The following GON4L variants were observed in gnomAD, a reference collection of about 807,000 sequenced individuals.
GON4L encodes gon-4 like, also known as GON-4-like protein.
GON4L carries 87 observed loss-of-function variants against 211.8 expected under a neutral mutation model. The ratio of observed to expected loss-of-function variants is 0.41; its 90% CI spans 0.35 to 0.49. The LOEUF (loss-of-function observed/expected upper bound fraction) is 0.49. Among genes scored for constraint, GON4L ranks in the 20% least tolerant of loss-of-function variants. The probability of loss-of-function intolerance (pLI) is 0.15; values close to 1 mark genes in which losing one functional copy is unlikely to be tolerated. For missense variants in GON4L, 2,155 were observed against 2,659.5 expected (o/e 0.81, Z 4.17); for synonymous variants, 875 against 962.6 (o/e 0.91, Z 1.68).
chr1:155,766,757 A>G (rs1479473987), intron 20 of GON4L, 48 bp from the exon 21 acceptor site: 2 of 1,610,818 alleles, frequency 1.2e-6, no homozygotes, highest in Non-Finnish European at 1.7e-6. Flanking sequence ...AGAATTTGGG[A>G]AAAAGAGGCT....
intron 6 of GON4L, 35 bp downstream of exon 6, chr1:155,820,569 TAA>T: frequency 7.0e-7 from 1 of 1,424,918 alleles, no homozygotes; most frequent in South Asian, 1.1e-5. Flanking sequence ...TTCACCAAGC[TAA>T]AAAAAAACCA....
intron 10 of GON4L, among the ~76,000 whole-genome samples, chr1:155,811,135 G>A (rs901653262): frequency 3.3e-5 from 5 of 152,106 alleles, no homozygotes; most frequent in Middle Eastern, 3.4e-3. Flanking sequence ...GTTCACGCCC[G>A]TAATCCCAGC....
intron 3 of GON4L, among the ~76,000 whole-genome samples, chr1:155,823,260 T>C (rs1020586016): frequency 1.6e-4 from 25 of 152,234 alleles, no homozygotes; most frequent in African/African-American, 5.3e-4. Context: ...ACTCATCAGA[T>C]ACATTTTATT....
At chr1:155,843,559 C>T (rs776752893) in intron 2 of GON4L, among the ~76,000 whole-genome samples, 1 of 152,156 alleles carries the variant, frequency 6.6e-6, no homozygotes, top group Non-Finnish European at 1.5e-5. Flanking sequence ...ATCTTTTGCA[C>T]AAATTGTTGT....
At position 155,750,283 on chromosome 1, in the gene GON4L, A is replaced by C. The variant is rs1660439210; in HGVS notation, c.*301T>G. On this transcript the variant is annotated 3_prime_UTR_variant, in exon 32 of 32. Transcript: ENST00000368331. ...TTACATTTAGAAACACTGTGATTAGACCACAGAACAATAAATATGTGCCAT... is the reference window on the plus strand; with the variant it reads ...TTACATTTAGAAACACTGTGATTAGCCCACAGAACAATAAATATGTGCCAT... 1 of 587,766 alleles carries C rather than the reference A, an allele frequency of 1.7e-6. No homozygotes were observed. The highest frequency in any genetic ancestry group is 1.9e-5 in the African/African-American group (1 of 53,284). The allele number at this position is 587,766 out of a possible 1,614,324, so 36.4% of individuals were successfully genotyped here.
chr1:155,841,498 T>G (rs1670769133), intron 2 of GON4L, among the ~76,000 whole-genome samples: 2 of 152,232 alleles, frequency 1.3e-5, no homozygotes, highest in South Asian at 4.1e-4. Flanking sequence ...TTTTATAACC[T>G]TATTTTTTGG....
intron 21 of GON4L, among the ~76,000 whole-genome samples, chr1:155,764,196 G>T (rs763301596): frequency 6.6e-6 from 1 of 151,776 alleles, no homozygotes; most frequent in East Asian, 1.9e-4. Context: ...GTGGCTCACC[G>T]CAACCTCTGC....
chr1:155,826,550 G>C (rs1340308259), intron 3 of GON4L, among the ~76,000 whole-genome samples: 1 of 86,736 alleles, frequency 1.2e-5, no homozygotes, highest in Non-Finnish European at 2.3e-5. Context: ...TGGGCGACAA[G>C]AACAAAACTC....
chr1:155,764,855 C>G, intron 21 of GON4L, 145 bp downstream of exon 21: 1 of 1,564,532 alleles, frequency 6.4e-7, no homozygotes, highest in Non-Finnish European at 8.8e-7. Context: ...CTCAACTCCA[C>G]AATCATGTCC....
intron 12 of GON4L, among the ~76,000 whole-genome samples, chr1:155,792,086 A>G (rs1665650451): frequency 6.6e-6 from 1 of 152,254 alleles, no homozygotes; most frequent in East Asian, 1.9e-4. Flanking sequence ...TCAAGTTTAC[A>G]ATACACTATC....
intron 24 of GON4L, among the ~76,000 whole-genome samples, chr1:155,759,117 C>T (rs1357596348): frequency 6.6e-6 from 1 of 152,162 alleles, no homozygotes; most frequent in East Asian, 1.9e-4. Context: ...CCACCTCAGC[C>T]ACCCAAATAG....
rs1662495366 is a variant in GON4L, at chr1:155,766,475, C to T, written c.2998G>A (p.Val1000Ile). Reference protein sequence around the residue: ...RKAWRQKRSSVLKPLLIQPSP... With the variant: ...RKAWRQKRSSILKPLLIQPSP... Reference sequence around the variant, plus strand: ...GGTTGGATAAGGAGGGGCTTCAGGACTGATGAACGCTTCTGTCTCCAAGCC... The same window carrying T: ...GGTTGGATAAGGAGGGGCTTCAGGATTGATGAACGCTTCTGTCTCCAAGCC... Residue 1000 changes from valine (V) to isoleucine (I), a missense_variant, in exon 21 of 32, where the codon GTC becomes ATC. By Grantham distance (29) the Val-to-Ile change is conservative. This residue lies in a region of GON4L where 615 missense variants were observed against 625.7 expected (regional missense o/e 0.98). Coordinates refer to ENST00000368331, the MANE Select transcript of GON4L (RefSeq NM_001282860.2). The T allele has an allele frequency of 6.2e-7, 1 of 1,613,954 alleles. No individual in the cohort carries two copies. The highest frequency in any genetic ancestry group is 1.7e-5 in the Admixed American group (1 of 59,978).
intron 2 of GON4L, among the ~76,000 whole-genome samples, chr1:155,841,292 C>A (rs2102414241): frequency 6.6e-6 from 1 of 152,204 alleles, no homozygotes; most frequent in South Asian, 2.1e-4. Flanking sequence ...CCTCCAGGCC[C>A]AAGGACTACT....
In GON4L at chr1:155,820,586, CA is replaced by C; in HGVS notation, c.1014+19del. On this transcript the variant is annotated intron_variant, in intron 6 of 31. Coordinates refer to ENST00000368331, the MANE Select transcript of GON4L (RefSeq NM_001282860.2). ...CACCAAGCTAAAAAAAAACCAACAA[CA>C]AAAAAACAGAATACTTACCACTCCT... is the stretch of plus-strand genomic sequence containing the variant. 3.2e-6 allele frequency: 5 copies of C among 1,582,030 alleles called. No homozygotes were observed. The highest frequency in any genetic ancestry group is 3.5e-6 in the Non-Finnish European group (4 of 1,151,430).
At chr1:155,851,187 T>C (rs1671755601) in intron 2 of GON4L, among the ~76,000 whole-genome samples, 1 of 150,606 alleles carries the variant, frequency 6.6e-6, no homozygotes. Flanking sequence ...ACCCCGTCTC[T>C]ACTAAAAATA....
Position 155,773,056 on chromosome 1 carries a change from A to G in GON4L, c.2495+10T>C. 1 of 1,611,892 alleles carries G rather than the reference A, an allele frequency of 6.2e-7. No individual in the cohort carries two copies. Among genetic ancestry groups the G allele is most frequent in the African/African-American group, 1.3e-5 (1 of 74,950 alleles). ...TTCTGCTGTTTTGATCCCCCAGAGT[A>G]AACACTTACTTGTCCTCAGCCTTGG... is the stretch of plus-strand genomic sequence containing the variant. On this transcript the variant is annotated intron_variant, in intron 18 of 31. Transcript: ENST00000368331.
intron 10 of GON4L, among the ~76,000 whole-genome samples, chr1:155,812,813 T>G (rs1481308548): frequency 6.6e-6 from 1 of 152,142 alleles, no homozygotes; most frequent in Non-Finnish European, 1.5e-5. Flanking sequence ...AACCTTGGCC[T>G]CTCAAAGTGC....
chr1:155,765,003 G>A lies in GON4L; in HGVS notation c.4470C>T (p.Leu1490=), dbSNP rs199654392. The change falls in exon 21 of 32, where the codon CTC becomes CTT. Residue 1490 remains leucine (L), a synonymous_variant. Transcript: ENST00000368331. ...GAGAATATTCTCCAGCTCTCACCTG[G>A]AGTTCTGGGACAGAAAGCACAGATT... ...SEESVLSVPE[L]QETMEKLTWL... 1.2e-5 allele frequency: 19 copies of A among 1,613,932 alleles called. No individual in the cohort carries two copies. Among genetic ancestry groups the A allele is most frequent in the Admixed American group, 1.7e-5 (1 of 59,996 alleles).
At chr1:155,748,888 C>T, downstream of GON4L, 4 of 1,145,336 alleles carry the variant, frequency 3.5e-6, no homozygotes, top group Non-Finnish European at 5.0e-6. Flanking sequence ...TCCCTCCCCA[C>T]CCCTTAAAAA....
Sources: gnomAD v4.1 joint callset for allele counts (sites outside exome capture counted in the v4.1 genomes callset) on GRCh38, gnomAD v4.1.1 for gene constraint, gnomAD v4.1.1 regional missense constraint, MANE v1.5 for transcripts, NCBI Gene and HGNC (gene_info 2026-07-23, HGNC 2026-07-21) for gene names.